SYT16: variants seen among roughly 807,000 people sequenced by gnomAD.
The protein encoded by SYT16 is synaptotagmin-16.
SYT16 carries 42 observed loss-of-function variants against 61.4 expected under a neutral mutation model. The observed-to-expected ratio is 0.68, with a 90% CI of 0.53 to 0.89. The LOEUF (loss-of-function observed/expected upper bound fraction) is 0.89, where lower values mean the gene tolerates loss of function less well. Ranked by LOEUF, SYT16 falls within the 40% of genes least tolerant of loss-of-function variation. The pLI, the probability that SYT16 is intolerant of heterozygous loss-of-function variation, is 0.00. For synonymous variants in SYT16, 314 were observed against 302.3 expected, an observed-to-expected ratio of 1.04 and a Z score of -0.40; for missense variants, 804 against 807.3, an observed-to-expected ratio of 1.00 and a Z score of 0.05.
chr14:61,950,416 C>G (rs889075787), intron 1 of SYT16, among the ~76,000 whole-genome samples: 3 of 152,156 alleles, frequency 2.0e-5, no homozygotes, highest in African/African-American at 7.2e-5. Flanking sequence ...ACAGCTGCAA[C>G]CCTTTGGCCC....
chr14:61,956,802 A>G (rs528932659), intron 1 of SYT16, among the ~76,000 whole-genome samples: 1 of 151,038 alleles, frequency 6.6e-6, no homozygotes, highest in African/African-American at 2.5e-5. Context: ...TTATGATTTC[A>G]AATAAGCTTT....
intron 1 of SYT16, among the ~76,000 whole-genome samples, chr14:61,841,594 T>C (rs1489730686): frequency 6.6e-6 from 1 of 152,118 alleles, no homozygotes; most frequent in Non-Finnish European, 1.5e-5. Flanking sequence ...ATGGTGGGGG[T>C]TGGGCTTCTA....
chr14:61,904,094 T>C (rs1468906754), intron 1 of SYT16, among the ~76,000 whole-genome samples: 1 of 152,208 alleles, frequency 6.6e-6, no homozygotes, highest in African/African-American at 2.4e-5. Context: ...ACTGGATACT[T>C]GGCCGAATCC....
rs143608020 is a variant in SYT16 at position 61,866,076 on chromosome 14, A to G, written c.-325+53266A>G. On this transcript the variant is annotated intron_variant, in intron 1 of 7. Coordinates refer to ENST00000683842, the MANE Select transcript of SYT16 (RefSeq NM_001367656.1). ...AATTATTCAGAAAGTGGGTCATTCT[A>G]TTTGGCATTTTGAATTAGTATCAAA... Among the ~76,000 whole-genome samples, 892 of 152,270 alleles carry G rather than the reference A, an allele frequency of 5.9e-3. 8 individuals carry two copies. The highest frequency in any genetic ancestry group is 0.025 in the South Asian group (122 of 4,832).
chr14:61,920,880 C>T (rs1024897670), intron 1 of SYT16, among the ~76,000 whole-genome samples: 37 of 152,246 alleles, frequency 2.4e-4, no homozygotes, highest in African/African-American at 8.9e-4. Flanking sequence ...AGTAGCATGC[C>T]TAAATTAAAG....
chr14:61,925,923 G>GT (rs1421499356), intron 1 of SYT16, among the ~76,000 whole-genome samples: 1 of 152,196 alleles, frequency 6.6e-6, no homozygotes, highest in African/African-American at 2.4e-5. Context: ...TAAGACCAGG[G>GT]TCATGGTTCA....
At chr14:61,903,049 TGCA>T (rs1399092437) in intron 1 of SYT16, among the ~76,000 whole-genome samples, 1 of 152,206 alleles carries the variant, frequency 6.6e-6, no homozygotes, top group Non-Finnish European at 1.5e-5. Flanking sequence ...GACTTGCAGC[TGCA>T]GAACTCCGGT....
In SYT16 at chr14:62,000,098, G is replaced by GGTTTTTTTTTTTTTTTTTTTTTTTT. The variant is rs1566751979; in HGVS notation, c.523+3556_523+3557insGTTTTTTTTTTTTTTTTTTTTTTTT. Among the ~76,000 whole-genome samples the GGTTTTTTTTTTTTTTTTTTTTTTTT allele has an allele frequency of 1.4e-4, 5 of 35,518 alleles. 1 individual carries two copies. Among genetic ancestry groups the GGTTTTTTTTTTTTTTTTTTTTTTTT allele is most frequent in the African/African-American group, 1.9e-4 (1 of 5,370 alleles). The allele number at this position is 35,518 out of a possible 152,430, so 23.3% of individuals were successfully genotyped here. ...TTTTCTAATACTTATTTTGTCTCTC[G>GGTTTTTTTTTTTTTTTTTTTTTTTT]ATTTTTTTTTTTTTTTTTTTTTTTT... On this transcript the variant is annotated intron_variant, in intron 3 of 7. Coordinates refer to ENST00000683842, the MANE Select transcript of SYT16 (RefSeq NM_001367656.1).
chr14:61,880,225 C>T (rs182330162), intron 1 of SYT16, among the ~76,000 whole-genome samples: 1 of 152,288 alleles, frequency 6.6e-6, no homozygotes, highest in East Asian at 1.9e-4. Flanking sequence ...ATAGTTCCCC[C>T]TAAAGTACCT....
intron 1 of SYT16, among the ~76,000 whole-genome samples, chr14:61,903,055 A>G (rs556629070): frequency 2.0e-5 from 3 of 151,974 alleles, no homozygotes; most frequent in Admixed American, 6.5e-5. Flanking sequence ...CAGCTGCAGA[A>G]CTCCGGTATC....
chr14:61,837,519 G>T (rs551321763), intron 1 of SYT16, among the ~76,000 whole-genome samples: 1 of 152,132 alleles, frequency 6.6e-6, no homozygotes, highest in South Asian at 2.1e-4. Flanking sequence ...GATTACAGGC[G>T]TGAGCTGCCG....
At chr14:61,865,253 A>G in intron 1 of SYT16, 1 of 870,274 alleles carries the variant, frequency 1.1e-6, no homozygotes. Context: ...CAGGCCTAAG[A>G]TGGAGGTGAG....
intron 3 of SYT16, among the ~76,000 whole-genome samples, chr14:62,048,468 C>G (rs1434872732): frequency 6.6e-6 from 1 of 152,132 alleles, no homozygotes; most frequent in African/African-American, 2.4e-5. Context: ...TTTTGTGTCT[C>G]TATTTCCTTC....
chr14:61,956,982 C>G (rs188330410), intron 1 of SYT16, among the ~76,000 whole-genome samples: 1 of 151,624 alleles, frequency 6.6e-6, no homozygotes, highest in Non-Finnish European at 1.5e-5. Context: ...TTTAAAATTT[C>G]TTTCATCAAT....
intron 3 of SYT16, among the ~76,000 whole-genome samples, chr14:62,007,770 CT>C (rs201357779): frequency 9.9e-5 from 15 of 151,094 alleles, no homozygotes; most frequent in East Asian, 5.8e-4. Context: ...AAATTAAGTC[CT>C]TTTTTTTTCT....
intron 1 of SYT16, among the ~76,000 whole-genome samples, chr14:61,951,880 C>G (rs2050686323): frequency 1.3e-5 from 2 of 152,264 alleles, no homozygotes; most frequent in Admixed American, 1.3e-4. Flanking sequence ...GCCTCAACCT[C>G]CTAGGCTCAA....
intron 1 of SYT16, among the ~76,000 whole-genome samples, chr14:61,950,812 A>G (rs2050640642): frequency 6.6e-6 from 1 of 152,202 alleles, no homozygotes; most frequent in South Asian, 2.1e-4. Context: ...TTTGTAATTA[A>G]AAAGAACCAG....
chr14:61,949,021 T>C (rs1216441017), intron 1 of SYT16, among the ~76,000 whole-genome samples: 1 of 152,206 alleles, frequency 6.6e-6, no homozygotes, highest in African/African-American at 2.4e-5. Context: ...ACCTAGTAGA[T>C]GGATGGAAAT....
intron 3 of SYT16, among the ~76,000 whole-genome samples, chr14:62,054,206 G>A (rs569177157): frequency 6.6e-6 from 1 of 152,040 alleles, no homozygotes; most frequent in Non-Finnish European, 1.5e-5. Flanking sequence ...TTTGCAAATG[G>A]AGAAGAGTTA....
Sources: allele counts gnomAD v4.1 joint callset (sites outside exome capture counted in the v4.1 genomes callset), GRCh38; gene constraint gnomAD v4.1.1; transcripts MANE v1.5; gene names NCBI Gene and HGNC (gene_info 2026-07-23, HGNC 2026-07-21).